The following FKBP5 variants were observed in gnomAD, a reference collection of about 807,000 sequenced individuals.
FKBP5 encodes the protein FKBP prolyl isomerase 5, also known as peptidyl-prolyl cis-trans isomerase FKBP5.
FKBP5 carries 23 observed loss-of-function variants against 50.5 expected under a neutral mutation model. That is an observed-to-expected ratio of 0.46 (90% CI 0.33 to 0.65). The LOEUF is 0.65. Ranked by LOEUF, FKBP5 falls within the 30% of genes least tolerant of loss-of-function variation. FKBP5 has a pLI of 0.02. For missense variants in FKBP5, 411 were observed against 553.1 expected, an observed-to-expected ratio of 0.74 and a Z score of 2.58; for synonymous variants, 176 against 190.6, an observed-to-expected ratio of 0.92 and a Z score of 0.63.
At chr6:35,684,117 T>C (rs1346833822) in intron 1 of FKBP5, among the ~76,000 whole-genome samples, 1 of 152,086 alleles carries the variant, frequency 6.6e-6, no homozygotes, top group Non-Finnish European at 1.5e-5. Flanking sequence ...TGTGTGACTG[T>C]TTACTTAAAA....
intron 1 of FKBP5, among the ~76,000 whole-genome samples, chr6:35,726,469 G>A (rs1029003342): frequency 1.3e-5 from 2 of 151,774 alleles, no homozygotes; most frequent in Non-Finnish European, 1.5e-5. Context: ...AGTGCCTAGC[G>A]TGGAGGTTGT....
chr6:35,615,797 G>C (rs1763635357), intron 5 of FKBP5, among the ~76,000 whole-genome samples: 1 of 152,202 alleles, frequency 6.6e-6, no homozygotes, highest in South Asian at 2.1e-4. Flanking sequence ...TAATTACAAA[G>C]GGAAAATAGT....
intron 2 of FKBP5, among the ~76,000 whole-genome samples, chr6:35,716,947 G>A (rs528899610): frequency 6.6e-6 from 1 of 152,334 alleles, no homozygotes; most frequent in East Asian, 1.9e-4. Flanking sequence ...AAGAATGGAT[G>A]GGCTAGAGGG....
intron 2 of FKBP5, among the ~76,000 whole-genome samples, chr6:35,713,843 A>T (rs1293033830): frequency 2.6e-5 from 4 of 152,094 alleles, no homozygotes; most frequent in Non-Finnish European, 4.4e-5. Flanking sequence ...CCAACTACTA[A>T]GCCTTGGGGT....
intron 5 of FKBP5, among the ~76,000 whole-genome samples, chr6:35,614,938 C>T (rs982207508): frequency 6.6e-6 from 1 of 151,990 alleles, no homozygotes; most frequent in Admixed American, 6.6e-5. Context: ...GCCTGGCCAA[C>T]ATGGTGAAAT....
At chr6:35,609,665 C>A (rs1178018150) in intron 5 of FKBP5, among the ~76,000 whole-genome samples, 1 of 152,130 alleles carries the variant, frequency 6.6e-6, no homozygotes, top group African/African-American at 2.4e-5. Context: ...CTTCTAATTT[C>A]TTTTTCACTT....
chr6:35,657,489 G>A, intron 1 of FKBP5, among the ~76,000 whole-genome samples: 1 of 152,152 alleles, frequency 6.6e-6, no homozygotes, highest in East Asian at 1.9e-4. Flanking sequence ...TCATTCTTGT[G>A]TAGTCATCTC....
Position 35,619,091 on chromosome 6 carries a change from C to G in FKBP5, c.508+5G>C, listed in dbSNP as rs1430977661. 10 of 1,600,048 alleles carry G rather than the reference C, an allele frequency of 6.2e-6. No homozygotes were observed. Among genetic ancestry groups the G allele is most frequent in the Non-Finnish European group, 7.7e-6 (9 of 1,167,560 alleles). Reference sequence around the variant, plus strand: ...GGACTAGTTCCCTCTTACTTTAATACTTACTTTCTACTGTTGCTCCTTCGT... The same window carrying G: ...GGACTAGTTCCCTCTTACTTTAATAGTTACTTTCTACTGTTGCTCCTTCGT... On this transcript the variant is annotated splice_donor_5th_base_variant and intron_variant, in intron 5 of 10. Transcript: ENST00000357266.
intron 6 of FKBP5, 54 bp downstream of exon 6, chr6:35,597,194 A>G (rs1763004491): frequency 4.4e-6 from 7 of 1,588,152 alleles, no homozygotes; most frequent in Non-Finnish European, 6.0e-6. Flanking sequence ...AAAAGCAAGC[A>G]TATCCCTGTC....
intron 7 of FKBP5, among the ~76,000 whole-genome samples, chr6:35,589,076 ATTTATATATATATT>A (rs1176093776): frequency 2.1e-5 from 3 of 139,836 alleles, no homozygotes; most frequent in East Asian, 2.0e-4. Context: ...GTGTGTATAT[ATTTATATATATATT>A]TTTATATATA....
rs1391724908 is a variant in FKBP5, at chr6:35,702,613, C to T, written c.-20+17715G>A. Among the ~76,000 whole-genome samples, 10 of 151,886 alleles carry T rather than the reference C, an allele frequency of 6.6e-5. No individual in the cohort carries two copies. The East Asian group carries it at 7.8e-4, about 12-fold the overall frequency. ...GACTACAGGCGCCCGCCACCACGCC[C>T]GGCTAATTTTTTGTATTTTTACTAG... is the stretch of plus-strand genomic sequence containing the variant. On this transcript the variant is annotated intron_variant, in intron 2 of 11. Transcript: ENST00000536438.
intron 3 of FKBP5, among the ~76,000 whole-genome samples, chr6:35,621,361 G>T (rs1000064876): frequency 2.0e-5 from 3 of 152,104 alleles, no homozygotes; most frequent in African/African-American, 7.2e-5. Context: ...GGTGGCTCAC[G>T]CCTGTAATCC....
chr6:35,577,043 C>A lies in FKBP5; in HGVS notation c.1217G>T (p.Arg406Leu). 1.2e-6 allele frequency: 2 copies of A among 1,614,156 alleles called. No homozygotes were observed. The highest frequency in any genetic ancestry group is 1.7e-5 in the Admixed American group (1 of 60,026). Reference sequence around the variant, plus strand: ...CTTGAACATGTTGGCGTATATCCTGCGGTCCCGCTCGTTGTGCTCCTTGGC... The same window carrying A: ...CTTGAACATGTTGGCGTATATCCTGAGGTCCCGCTCGTTGTGCTCCTTGGC... ...KKAKEHNERD[R>L]RIYANMFKKF... Residue 406 changes from arginine (R) to leucine (L), a missense_variant, in exon 10 of 11, where the codon CGC becomes CTC. By Grantham distance (102) the Arg-to-Leu change is moderately radical (BLOSUM62 -2). Coordinates refer to ENST00000357266, the MANE Select transcript of FKBP5 (RefSeq NM_004117.4).
chr6:35,651,966 C>T (rs1043931932), intron 1 of FKBP5: 7 of 503,966 alleles, frequency 1.4e-5, no homozygotes, highest in East Asian at 1.2e-4. Flanking sequence ...GGACCCCAAA[C>T]GGAGGAACCG....
At chr6:35,579,013 G>A (rs1762329202) in intron 9 of FKBP5, among the ~76,000 whole-genome samples, 1 of 152,022 alleles carries the variant, frequency 6.6e-6, no homozygotes, top group Non-Finnish European at 1.5e-5. Context: ...CTACTCAGGA[G>A]GCTGAGGTGG....
intron 9 of FKBP5, among the ~76,000 whole-genome samples, chr6:35,578,134 TAAAA>T (rs1018005810): frequency 3.3e-5 from 5 of 151,544 alleles, no homozygotes; most frequent in Admixed American, 6.6e-5. Context: ...ATTTACATAT[TAAAA>T]AAAACCATAA....
At chr6:35,712,251 G>A (rs1056906434) in intron 2 of FKBP5, among the ~76,000 whole-genome samples, 5 of 151,562 alleles carry the variant, frequency 3.3e-5, no homozygotes, top group African/African-American at 4.9e-5. Flanking sequence ...TATCCCCTGC[G>A]CCAAAGTGAA....
chr6:35,700,304 G>A (rs1335495075), intron 2 of FKBP5, among the ~76,000 whole-genome samples: 1 of 152,096 alleles, frequency 6.6e-6, no homozygotes, highest in Admixed American at 6.5e-5. Context: ...GGGACTACAA[G>A]CATGTGCCAC....
At chr6:35,595,717 T>A (rs1762965292) in intron 6 of FKBP5, among the ~76,000 whole-genome samples, 1 of 151,944 alleles carries the variant, frequency 6.6e-6, no homozygotes, top group Admixed American at 6.6e-5. Context: ...GCCACTGCAC[T>A]CTAGCCTGGG....
Sources: allele counts gnomAD v4.1 joint callset (sites outside exome capture counted in the v4.1 genomes callset), GRCh38; gene constraint gnomAD v4.1.1; transcripts MANE v1.5; gene names NCBI Gene and HGNC (gene_info 2026-07-23, HGNC 2026-07-21).